Variants in CEP162 observed in about 807,000 individuals in gnomAD.
CEP162 encodes the protein centrosomal protein 162, also known as centrosomal protein of 162 kDa.
CEP162 carries 141 observed loss-of-function variants against 169.2 expected under a neutral mutation model. That is an observed-to-expected ratio of 0.83 (90% CI 0.73 to 0.96). The LOEUF (loss-of-function observed/expected upper bound fraction) is 0.96, where lower values mean the gene tolerates loss of function less well. Ranked by LOEUF, CEP162 falls within the 40% of genes least tolerant of loss-of-function variation. CEP162 has a pLI of 0.00. For synonymous variants in CEP162, 540 were observed against 526.4 expected, an observed-to-expected ratio of 1.03 and a Z score of -0.35; for missense variants, 1,600 against 1,587.2, an observed-to-expected ratio of 1.01 and a Z score of -0.14.
intron 17 of CEP162, 78 bp downstream of exon 17, chr6:84,171,528 A>G (rs1246684768): frequency 2.4e-5 from 12 of 507,848 alleles, no homozygotes. Flanking sequence ...AGTAAAAATA[A>G]ATGTATTATT....
intron 25 of CEP162, among the ~76,000 whole-genome samples, chr6:84,144,226 C>T (rs971661075): frequency 1.3e-5 from 2 of 151,900 alleles, no homozygotes; most frequent in African/African-American, 4.8e-5. Flanking sequence ...ATAAATTGTA[C>T]AGGAATCATT....
chr6:84,185,720 G>C (rs2099536878), intron 12 of CEP162, among the ~76,000 whole-genome samples: 2 of 152,106 alleles, frequency 1.3e-5, no homozygotes, highest in Admixed American at 1.3e-4. Context: ...TTGAATGAAT[G>C]CAGCAGAAAG....
intron 24 of CEP162, 50 bp from the exon 25 acceptor site, chr6:84,146,835 T>TATC: frequency 1.1e-6 from 1 of 942,514 alleles, no homozygotes; most frequent in Non-Finnish European, 1.6e-6. Context: ...CCTTGAACAC[T>TATC]ATCTGAAAAA....
At chr6:84,166,430 T>C (rs1443678394) in intron 18 of CEP162, among the ~76,000 whole-genome samples, 1 of 152,218 alleles carries the variant, frequency 6.6e-6, no homozygotes, top group Non-Finnish European at 1.5e-5. Context: ...GCCTTACCTC[T>C]AACTCATCAC....
At chr6:84,193,499 C>G (rs1040008243) in intron 11 of CEP162, 110 bp downstream of exon 11, 2 of 561,092 alleles carry the variant, frequency 3.6e-6, no homozygotes, top group Non-Finnish European at 3.1e-6. Context: ...TTATGACTCA[C>G]AGGTAGAGTC....
chr6:84,167,290 ATGATC>A (rs544699730), intron 18 of CEP162, among the ~76,000 whole-genome samples: 3 of 152,072 alleles, frequency 2.0e-5, no homozygotes, highest in Non-Finnish European at 2.9e-5. Context: ...TTAGTTGTTT[ATGATC>A]ATCTACTTAA....
At chr6:84,223,354 C>A (rs2099554483) in intron 2 of CEP162, among the ~76,000 whole-genome samples, 2 of 151,710 alleles carry the variant, frequency 1.3e-5, no homozygotes. Context: ...CAAAAATTAG[C>A]TGGGCGTGGT....
chr6:84,194,756 A>C (rs1441463924), intron 10 of CEP162, 128 bp downstream of exon 10: 8 of 796,202 alleles, frequency 1.0e-5, no homozygotes, highest in African/African-American at 1.8e-5. Flanking sequence ...CTGGCTGAAA[A>C]AATTTCTTTA....
intron 8 of CEP162, 119 bp downstream of exon 8, chr6:84,201,618 C>T (rs2274092): frequency 0.36 from 214,469 of 592,334 alleles, 44,788 homozygotes; most frequent in African/African-American, 0.78. Context: ...CTAGGAACTT[C>T]AATGCCTTAG....
intron 9 of CEP162, among the ~76,000 whole-genome samples, chr6:84,198,569 T>C (rs1033642979): frequency 3.9e-5 from 6 of 152,140 alleles, no homozygotes; most frequent in Admixed American, 3.3e-4. Context: ...TGGGAGCCAT[T>C]GCACCTAGCT....
At chr6:84,134,084 C>CGGCTATG (rs2099512819) in intron 25 of CEP162, among the ~76,000 whole-genome samples, 1 of 152,192 alleles carries the variant, frequency 6.6e-6, no homozygotes, top group East Asian at 1.9e-4. Flanking sequence ...AGAGGCATTC[C>CGGCTATG]GGCTATGGCG....
chr6:84,190,335 C>T (rs1306130646), intron 11 of CEP162, among the ~76,000 whole-genome samples: 2 of 152,118 alleles, frequency 1.3e-5, no homozygotes, highest in African/African-American at 4.8e-5. Context: ...TTGGCTCTAC[C>T]AATCAGCAGG....
intron 13 of CEP162, among the ~76,000 whole-genome samples, chr6:84,181,144 A>G (rs1462220678): frequency 6.6e-6 from 1 of 150,388 alleles, no homozygotes; most frequent in Non-Finnish European, 1.5e-5. Flanking sequence ...TGGTACTGGT[A>G]AAAAACAGAG....
At chr6:84,211,927 G>A (rs1227947781) in intron 6 of CEP162, among the ~76,000 whole-genome samples, 1 of 145,318 alleles carries the variant, frequency 6.9e-6, no homozygotes, top group Non-Finnish European at 1.5e-5. Flanking sequence ...CTTGAAAATA[G>A]AGAAAAAAAA....
intron 5 of CEP162, among the ~76,000 whole-genome samples, chr6:84,213,830 A>G (rs532221682): frequency 6.6e-6 from 1 of 152,322 alleles, no homozygotes; most frequent in African/African-American, 2.4e-5. Flanking sequence ...CTGTATTGAC[A>G]ACGTTGGGAG....
chr6:84,183,189 A>G (rs2127709649), intron 13 of CEP162, among the ~76,000 whole-genome samples: 1 of 152,242 alleles, frequency 6.6e-6, no homozygotes, highest in South Asian at 2.1e-4. Context: ...ATGCTATACA[A>G]TTTTAAAATA....
intron 13 of CEP162, among the ~76,000 whole-genome samples, chr6:84,179,597 T>G (rs1365204692): frequency 6.6e-6 from 1 of 152,204 alleles, no homozygotes; most frequent in Non-Finnish European, 1.5e-5. Context: ...TGCAAAAATT[T>G]TCTCCCATTG....
intron 7 of CEP162, 91 bp downstream of exon 7, chr6:84,203,890 A>C: frequency 1.8e-6 from 1 of 564,644 alleles, no homozygotes; most frequent in South Asian, 3.4e-5. Flanking sequence ...GATTATGAAG[A>C]ACTCCATTTT....
chr6:84,197,432 T>C (rs929922451), intron 9 of CEP162, among the ~76,000 whole-genome samples: 2 of 152,146 alleles, frequency 1.3e-5, no homozygotes, highest in Non-Finnish European at 2.9e-5. Context: ...AGGGGTTCCT[T>C]ATCTGCCTTT....
Sources: allele counts gnomAD v4.1 joint callset (sites outside exome capture counted in the v4.1 genomes callset), GRCh38; gene constraint gnomAD v4.1.1; transcripts MANE v1.5; gene names NCBI Gene and HGNC (gene_info 2026-07-23, HGNC 2026-07-21).